The following DNAH8 variants were observed in gnomAD, a reference collection of about 807,000 sequenced individuals.
The protein encoded by DNAH8 is dynein axonemal heavy chain 8, also known as axonemal beta dynein heavy chain 8.
DNAH8 carries 382 observed loss-of-function variants against 562.1 expected under a neutral mutation model. That is an observed-to-expected ratio of 0.68 (90% CI 0.63 to 0.74). DNAH8 has a LOEUF of 0.74. DNAH8 is among the 30% of genes least tolerant of loss of function. DNAH8 has a pLI of 0.00. For missense variants in DNAH8, 5,203 were observed against 5,620.4 expected, an observed-to-expected ratio of 0.93 and a Z score of 2.37; for synonymous variants, 1,881 against 1,919.4, an observed-to-expected ratio of 0.98 and a Z score of 0.52.
chr6:38,820,871 A>AAAAAGCC (rs2150332448), intron 26 of DNAH8, among the ~76,000 whole-genome samples: 1 of 152,290 alleles, frequency 6.6e-6, no homozygotes, highest in South Asian at 2.1e-4. Context: ...CAACCTTATA[A>AAAAAGCC]AAGGCATCAT....
rs746537450 is a variant in DNAH8 at position 38,883,919 on chromosome 6, A to G, written c.8180A>G (p.Tyr2727Cys). The stretch of plus-strand genomic sequence containing the variant: ...GTGGATAAGCGAATTGGAAGCACAT[A>G]TGGGCCACCAGGAGGGAGAAAAATG... Reference protein sequence around the residue: ...SYVDKRIGSTYGPPGGRKMTV... With the variant: ...SYVDKRIGSTCGPPGGRKMTV... The change falls in exon 56 of 93, where the codon TAT becomes TGT. Residue 2727 changes from tyrosine (Y) to cysteine (C), a missense_variant. Physicochemically the swap from Tyr to Cys is radical, Grantham distance 194 (BLOSUM62 -2). Coordinates refer to ENST00000327475, the MANE Select transcript of DNAH8 (RefSeq NM_001206927.2). 3 of 1,592,964 alleles carry G rather than the reference A, an allele frequency of 1.9e-6. No homozygotes were observed. In the South Asian group the frequency reaches 3.4e-5, roughly 18 times the overall value.
intron 26 of DNAH8, among the ~76,000 whole-genome samples, chr6:38,818,537 CAA>C (rs70981590): frequency 3.0e-4 from 23 of 75,844 alleles, no homozygotes; most frequent in Non-Finnish European, 2.1e-4. Flanking sequence ...AAAGCAAAAG[CAA>C]AAAAAAAAAA....
chr6:38,780,118 A>G, intron 15 of DNAH8, 53 bp downstream of exon 15: 2 of 1,541,818 alleles, frequency 1.3e-6, no homozygotes, highest in East Asian at 4.6e-5. Flanking sequence ...AAGAAAAAAA[A>G]TCTGAAAATA....
rs376874625 is a variant in DNAH8, at chr6:38,935,096, G to A, written c.11458-496G>A. ...TAAAATGGAAAATGGGTTTGTATTG[G>A]CAATCGGCTGTGCCAAACCAGGTAC... On this transcript the variant is annotated intron_variant, in intron 76 of 92. Coordinates refer to ENST00000327475, the MANE Select transcript of DNAH8 (RefSeq NM_001206927.2). 6.6e-5 allele frequency among the ~76,000 whole-genome samples: 10 copies of A among 152,300 alleles called. No homozygotes were observed. The South Asian group carries it at 2.1e-3, about 32-fold the overall frequency.
At position 38,874,090 on chromosome 6, in the gene DNAH8, TTCTTTC is replaced by T. The variant is rs1561797586; in HGVS notation, c.7620+723_7620+728del. On this transcript the variant is annotated intron_variant, in intron 52 of 92. Coordinates refer to ENST00000327475, the MANE Select transcript of DNAH8 (RefSeq NM_001206927.2). ...TCTTTTTCTTTCTTTCTTTCTTTCT[TTCTTTC>T]TCTTTCTCCTTCCTTCCTTCCTCCT... Among the ~76,000 whole-genome samples the T allele has an allele frequency of 8.9e-4, 111 of 124,854 alleles. 22 individuals carry two copies. The highest frequency in any genetic ancestry group is 3.2e-3 in the African/African-American group (108 of 33,240). 81.9% of individuals were successfully genotyped at this position (124,854 alleles called of 152,430 possible). A position where few individuals can be genotyped will look rare whatever the true frequency, so the allele number is the denominator to read the frequency against.
chr6:38,760,864 C>T (rs957351036), intron 10 of DNAH8, among the ~76,000 whole-genome samples: 14 of 152,096 alleles, frequency 9.2e-5, no homozygotes, highest in Admixed American at 2.0e-4. Context: ...TGCTATGCTT[C>T]GTGTACAGCC....
At chr6:38,871,231 T>C (rs922665660) in intron 49 of DNAH8, among the ~76,000 whole-genome samples, 2 of 152,190 alleles carry the variant, frequency 1.3e-5, no homozygotes, top group African/African-American at 4.8e-5. Context: ...AATATAACGA[T>C]TCTTATTTTA....
chr6:38,956,156 C>T (rs1429042058), intron 82 of DNAH8, among the ~76,000 whole-genome samples: 1 of 152,206 alleles, frequency 6.6e-6, no homozygotes, highest in African/African-American at 2.4e-5. Flanking sequence ...TGCAAGAGCC[C>T]AGAAGGAGGC....
chr6:38,791,462 C>G (rs1769734046), intron 20 of DNAH8, 93 bp from the exon 21 acceptor site: 4 of 1,409,444 alleles, frequency 2.8e-6, no homozygotes, highest in Non-Finnish European at 3.8e-6. Flanking sequence ...ACTTAGCCTT[C>G]TAAATTAATT....
At chr6:38,791,383 A>C (rs1394473642) in intron 20 of DNAH8, among the ~76,000 whole-genome samples, 172 bp from the exon 21 acceptor site, 1 of 152,226 alleles carries the variant, frequency 6.6e-6, no homozygotes, top group Non-Finnish European at 1.5e-5. Flanking sequence ...TTTTATGTCA[A>C]GCTTTCTTTG....
At chr6:38,989,802 T>G (rs1764655865) in intron 87 of DNAH8, among the ~76,000 whole-genome samples, 1 of 152,214 alleles carries the variant, frequency 6.6e-6, no homozygotes, top group Admixed American at 6.5e-5. Flanking sequence ...TCTTTGGTGT[T>G]AAATGGAGGC....
intron 82 of DNAH8, among the ~76,000 whole-genome samples, chr6:38,965,045 C>T (rs1446248117): frequency 2.0e-5 from 3 of 151,068 alleles, no homozygotes; most frequent in Admixed American, 1.3e-4. Context: ...GCCTGGGCGA[C>T]AAAGCAAGAT....
At chr6:38,983,019 A>G (rs1053757912) in intron 86 of DNAH8, among the ~76,000 whole-genome samples, 9 of 152,208 alleles carry the variant, frequency 5.9e-5, no homozygotes, top group African/African-American at 2.2e-4. Context: ...TACCCATTTT[A>G]CTGATGAGGT....
intron 61 of DNAH8, 88 bp from the exon 62 acceptor site, chr6:38,899,686 CAT>C (rs1161466741): frequency 2.8e-6 from 4 of 1,404,650 alleles, no homozygotes; most frequent in African/African-American, 1.4e-5. Context: ...CATCTAGAAA[CAT>C]ATGATCAAAA....
chr6:38,825,052 G>C lies in DNAH8; in HGVS notation c.3848-1104G>C, dbSNP rs1325720113. Among the ~76,000 whole-genome samples the C allele has an allele frequency of 5.3e-5, 8 of 152,190 alleles. No homozygotes were observed. In the South Asian group the frequency reaches 1.4e-3, roughly 28 times the overall value. ...AAAAAGCAACTGTAGTATACAGACAGAGTGCGCTGGGGAGCTTGTTTTTGG... is the reference window on the plus strand; with the variant it reads ...AAAAAGCAACTGTAGTATACAGACACAGTGCGCTGGGGAGCTTGTTTTTGG... On this transcript the variant is annotated intron_variant, in intron 28 of 92. Transcript: ENST00000327475.
chr6:38,746,671 G>A (rs1764964512), intron 8 of DNAH8, among the ~76,000 whole-genome samples: 1 of 152,096 alleles, frequency 6.6e-6, no homozygotes, highest in African/African-American at 2.4e-5. Flanking sequence ...GCTCACGCCT[G>A]TAATCCCAGC....
intron 36 of DNAH8, among the ~76,000 whole-genome samples, 159 bp downstream of exon 36, chr6:38,845,932 A>G (rs943220659): frequency 6.6e-6 from 1 of 152,026 alleles, no homozygotes; most frequent in Non-Finnish European, 1.5e-5. Flanking sequence ...TTCCCTAATA[A>G]TCATGGCCTC....
At chr6:38,805,437 TA>T in intron 22 of DNAH8, 43 bp from the exon 23 acceptor site, 1 of 1,269,534 alleles carries the variant, frequency 7.9e-7, no homozygotes, top group South Asian at 1.2e-5. Context: ...CAGACAATGC[TA>T]AAAAGTCAAA....
intron 22 of DNAH8, among the ~76,000 whole-genome samples, chr6:38,804,588 T>C (rs950597631): frequency 7.9e-5 from 12 of 152,096 alleles, no homozygotes; most frequent in Non-Finnish European, 1.8e-4. Flanking sequence ...TGACACAGAG[T>C]GTGCCACCCA....
Sources: gnomAD v4.1 joint callset for allele counts (sites outside exome capture counted in the v4.1 genomes callset) on GRCh38, gnomAD v4.1.1 for gene constraint, MANE v1.5 for transcripts, NCBI Gene and HGNC (gene_info 2026-07-23, HGNC 2026-07-21) for gene names.